FBRSL1: variants seen among roughly 807,000 people sequenced by gnomAD.
FBRSL1 encodes the protein fibrosin like 1.
In FBRSL1, 51 loss-of-function variants were observed where a neutral mutation model predicts 89.6. That is an observed-to-expected ratio of 0.57 (90% CI 0.45 to 0.72). The LOEUF is 0.72. Among genes scored for constraint, FBRSL1 ranks in the 30% least tolerant of loss-of-function variants. FBRSL1 has a pLI of 0.00. For synonymous variants in FBRSL1, 779 were observed against 681.1 expected (o/e 1.14, Z -2.24); for missense variants, 1,618 against 1,451.8 (o/e 1.11, Z -1.86).
At chr12:132,512,727 C>G (rs894292487) in intron 2 of FBRSL1, among the ~76,000 whole-genome samples, 1 of 152,222 alleles carries the variant, frequency 6.6e-6, no homozygotes. Context: ...GCCATCCATG[C>G]TGGAGCTGAG....
chr12:132,537,091 A>AGG (rs1474383556), intron 4 of FBRSL1, among the ~76,000 whole-genome samples: 1 of 152,116 alleles, frequency 6.6e-6, no homozygotes, highest in African/African-American at 2.4e-5. Context: ...AGACAGCTGG[A>AGG]GGGCCAGAGC....
intron 11 of FBRSL1, among the ~76,000 whole-genome samples, chr12:132,573,328 C>T (rs2137954722): frequency 6.6e-6 from 1 of 152,352 alleles, no homozygotes; most frequent in Non-Finnish European, 1.5e-5. Flanking sequence ...GCCCAGCACG[C>T]ACCCCTGGGC....
At position 132,583,003 on chromosome 12, in the gene FBRSL1, G is replaced by A; in HGVS notation, c.2234G>A (p.Arg745Gln). Residue 745 changes from arginine (R) to glutamine (Q), a missense_variant, in exon 19 of 19, where the codon CGG (arginine) becomes CAG (glutamine). By Grantham distance (43) the Arg-to-Gln change is conservative (BLOSUM62 1). Transcript: ENST00000680143. ...DLLEKTRLLS[R>Q]ASPATPAGHP... Reference sequence around the variant, plus strand: ...CTGGAGAAGACGCGCCTGCTGAGCCGGGCCTCGCCCGCCACCCCCGCTGGC... The same window carrying A: ...CTGGAGAAGACGCGCCTGCTGAGCCAGGCCTCGCCCGCCACCCCCGCTGGC... 6.9e-7 allele frequency: 1 copy of A among 1,454,198 alleles called. No homozygotes were observed. Among genetic ancestry groups the A allele is most frequent in the East Asian group, 3.0e-5 (1 of 33,052 alleles). 90.1% of individuals were successfully genotyped at this position (1,454,198 alleles called of 1,614,324 possible). A position where few individuals can be genotyped will look rare whatever the true frequency, so the allele number is the denominator to read the frequency against.
In FBRSL1 at chr12:132,583,382, C is replaced by A; in HGVS notation, c.2613C>A (p.Ala871=). Residue 871 remains alanine, a synonymous_variant, in exon 19 of 19, where the codon GCC becomes GCA. Transcript: ENST00000680143. ...PRRAFPAAAP[A]PGSAALLEPP... ...GCGCCTTCCCCGCTGCCGCCCCCGC[C>A]CCGGGCTCCGCCGCCCTCTTGGAGC... The A allele has an allele frequency of 9.2e-7, 1 of 1,091,868 alleles. No individual in the cohort carries two copies. The allele number at this position is 1,091,868 out of a possible 1,614,324, so 67.6% of individuals were successfully genotyped here.
At chr12:132,509,171 C>T in intron 2 of FBRSL1, 1 of 1,244,200 alleles carries the variant, frequency 8.0e-7, no homozygotes, top group South Asian at 4.1e-5. Context: ...TGCAGGTGTG[C>T]TCCCCAGAAG....
At chr12:132,581,669 GC>G in intron 16 of FBRSL1, 71 bp from the exon 17 acceptor site, 1 of 1,508,814 alleles carries the variant, frequency 6.6e-7, no homozygotes, top group Non-Finnish European at 9.0e-7. Context: ...CTCTACAGCA[GC>G]CCCCACTGGG....
intron 2 of FBRSL1, among the ~76,000 whole-genome samples, chr12:132,515,142 A>G (rs541908518): frequency 6.6e-6 from 1 of 152,116 alleles, no homozygotes; most frequent in African/African-American, 2.4e-5. Flanking sequence ...CATCGGCTCT[A>G]TGGTTTGAGG....
Position 132,546,077 on chromosome 12 carries a change from C to G in FBRSL1, c.616-1926C>G, listed in dbSNP as rs1473021623. Among the ~76,000 whole-genome samples, 1 of 152,260 alleles carries G rather than the reference C, an allele frequency of 6.6e-6. No individual in the cohort carries two copies. Among genetic ancestry groups the G allele is most frequent in the Non-Finnish European group, 1.5e-5 (1 of 68,048 alleles). On this transcript the variant is annotated intron_variant, in intron 4 of 18. Coordinates refer to ENST00000680143, the MANE Select transcript of FBRSL1 (RefSeq NM_001367871.1). This position sits in a 1 kb window ranked among gnomAD's most constrained non-coding sequence, Gnocchi z 4.0. ...TTGCCCTCTTCCGGTCCCCTCAGCC[C>G]TGGCGTGTTCTGGCATGTTCCTCCC...
At chr12:132,508,385 G>T in intron 2 of FBRSL1, 35 bp downstream of exon 2, 2 of 1,461,328 alleles carry the variant, frequency 1.4e-6, no homozygotes, top group Non-Finnish European at 9.0e-7. Context: ...AAGCTCTGCG[G>T]CGGGTCAGTG....
intron 2 of FBRSL1, chr12:132,509,815 A>C: frequency 8.1e-7 from 1 of 1,230,814 alleles, no homozygotes; most frequent in Non-Finnish European, 1.0e-6. Context: ...CTGCTAGCCC[A>C]GTGCCAGCGG....
rs757036439 is a variant in FBRSL1, at chr12:132,490,847, C to G, written c.277C>G (p.Leu93Val). The change falls in exon 1 of 19, where the codon CTG becomes GTG. Residue 93 changes from leucine to valine, a missense_variant. Transcript: ENST00000680143. Reference sequence around the variant, plus strand: ...CTTCGCCATCGCCAGCTTCAGCACCCTGGAGGCCCTGGAGGTAGGTGGACG... The same window carrying G: ...CTTCGCCATCGCCAGCTTCAGCACCGTGGAGGCCCTGGAGGTAGGTGGACG... ...DGFAIASFST[L>V]EALEKDMALK... 14 of 1,412,584 alleles carry G rather than the reference C, an allele frequency of 9.9e-6. No individual in the cohort carries two copies. The South Asian group carries it at 1.9e-4, about 19-fold the overall frequency. 87.5% of individuals were successfully genotyped at this position (1,412,584 alleles called of 1,614,324 possible).
chr12:132,547,756 G>A lies in FBRSL1; in HGVS notation c.616-247G>A, dbSNP rs576956703. The stretch of plus-strand genomic sequence containing the variant: ...GTCTTGTCCCCATCGCTGGCTAGTC[G>A]GCCTGGCTGTGCCCCTTTGTCCATC... On this transcript the variant is annotated intron_variant, in intron 4 of 18. Coordinates refer to ENST00000680143, the MANE Select transcript of FBRSL1 (RefSeq NM_001367871.1). Among the ~76,000 whole-genome samples, 4 of 152,288 alleles carry A rather than the reference G, an allele frequency of 2.6e-5. No homozygotes were observed. In the East Asian group the frequency reaches 5.8e-4, roughly 22 times the overall value.
chr12:132,490,652 C>G lies in FBRSL1; in HGVS notation c.82C>G (p.Arg28Gly). 1.0e-6 allele frequency: 1 copy of G among 988,818 alleles called. No individual in the cohort carries two copies. Among genetic ancestry groups the G allele is most frequent in the Non-Finnish European group, 1.2e-6 (1 of 832,150 alleles). The allele number at this position is 988,818 out of a possible 1,614,324, so 61.3% of individuals were successfully genotyped here. ...GRRREAARDA[R>G]AQSPSSGDEP... The stretch of plus-strand genomic sequence containing the variant: ...GCGCCGGGAGGCCGCCCGCGACGCC[C>G]GCGCCCAGAGTCCGTCGTCGGGCGA... The change falls in exon 1 of 19, where the codon CGC becomes GGC. Residue 28 changes from arginine (R) to glycine (G), a missense_variant. Coordinates refer to ENST00000680143, the MANE Select transcript of FBRSL1 (RefSeq NM_001367871.1).
In FBRSL1 at chr12:132,572,827, G is replaced by T. The variant is rs530537740; in HGVS notation, c.1530+205G>T. Among the ~76,000 whole-genome samples the T allele has an allele frequency of 3.3e-3, 498 of 152,360 alleles. 2 individuals carry two copies. Among genetic ancestry groups the T allele is most frequent in the African/African-American group, 0.011 (446 of 41,596 alleles). ...GTGTGGCCACCGTGGGAGGGACAGG[G>T]GGTCCAGCCTGGGAGCAGCCCTGGG... On this transcript the variant is annotated intron_variant, in intron 11 of 18. Coordinates refer to ENST00000680143, the MANE Select transcript of FBRSL1 (RefSeq NM_001367871.1).
At chr12:132,557,453 G>C (rs1222048704) in intron 5 of FBRSL1, among the ~76,000 whole-genome samples, 1 of 152,206 alleles carries the variant, frequency 6.6e-6, no homozygotes, top group South Asian at 2.1e-4. Flanking sequence ...TCTGAGTCTA[G>C]TTTCACCCCC....
chr12:132,551,502 G>A (rs758479643), intron 5 of FBRSL1: 18 of 456,190 alleles, frequency 3.9e-5, no homozygotes, highest in East Asian at 3.5e-4. Context: ...GGGAGGGCGC[G>A]GGCGCATGTC....
chr12:132,581,908 T>A, intron 17 of FBRSL1, 84 bp downstream of exon 17: 4 of 1,307,188 alleles, frequency 3.1e-6, no homozygotes, highest in Non-Finnish European at 4.1e-6. Context: ...CCCCGATGCC[T>A]GGCTGACCTC....
Position 132,583,537 on chromosome 12 carries a change from C to T in FBRSL1, c.2768C>T (p.Pro923Leu), listed in dbSNP as rs1266396551. ...CCCGCCTTGGACGGCGCGCTGCTGC[C>T]CTCGCTGGGAGCCCTGCACTTCCCG... ...AAPALDGALLPSLGALHFPRL... is the reference protein window; with the variant it reads ...AAPALDGALLLSLGALHFPRL... The change falls in exon 19 of 19, where the codon CCC (proline) becomes CTC (leucine). Residue 923 changes from proline (P) to leucine (L), a missense_variant. Pro to Leu is a moderately conservative substitution (Grantham distance 98). Coordinates refer to ENST00000680143, the MANE Select transcript of FBRSL1 (RefSeq NM_001367871.1). 2.9e-6 allele frequency: 3 copies of T among 1,047,008 alleles called. No individual in the cohort carries two copies. The highest frequency in any genetic ancestry group is 1.7e-5 in the African/African-American group (1 of 57,192). The allele number at this position is 1,047,008 out of a possible 1,614,324, so 64.9% of individuals were successfully genotyped here. A position where few individuals can be genotyped will look rare whatever the true frequency, so the allele number is the denominator to read the frequency against.
At chr12:132,539,066 C>T (rs1343060694) in intron 4 of FBRSL1, among the ~76,000 whole-genome samples, 1 of 151,982 alleles carries the variant, frequency 6.6e-6, no homozygotes, top group African/African-American at 2.4e-5. Context: ...TCAGTTTCCC[C>T]ATCCGGCAGC....
Sources: allele counts gnomAD v4.1 joint callset (sites outside exome capture counted in the v4.1 genomes callset), GRCh38; gene constraint gnomAD v4.1.1; non-coding constraint Gnocchi (gnomAD v3.1); transcripts MANE v1.5; gene names NCBI Gene and HGNC (gene_info 2026-07-23, HGNC 2026-07-21).